MPPED2: variants seen among roughly 807,000 people sequenced by gnomAD.
MPPED2 encodes the protein metallophosphoesterase MPPED2.
Under a neutral mutation model 33.0 loss-of-function variants are expected in MPPED2, and 5 were observed. That is an observed-to-expected ratio of 0.15 (90% CI 0.08 to 0.32). The LOEUF (loss-of-function observed/expected upper bound fraction) is 0.32. Ranked by LOEUF, MPPED2 falls within the 10% of genes least tolerant of loss-of-function variation. MPPED2 has a pLI of 1.00. For synonymous variants in MPPED2, 136 were observed against 141.9 expected, an observed-to-expected ratio of 0.96 and a Z score of 0.29; for missense variants, 275 against 372.1, an observed-to-expected ratio of 0.74 and a Z score of 2.15.
Position 30,410,747 on chromosome 11 carries a change from G to C in MPPED2, c.*721C>G. 1 of 984,378 alleles carries C rather than the reference G, an allele frequency of 1.0e-6. No homozygotes were observed. Among genetic ancestry groups the C allele is most frequent in the Non-Finnish European group, 1.2e-6 (1 of 828,626 alleles). The allele number at this position is 984,378 out of a possible 1,614,324, so 61.0% of individuals were successfully genotyped here. A position where few individuals can be genotyped will look rare whatever the true frequency, so the allele number is the denominator to read the frequency against. On this transcript the variant is annotated 3_prime_UTR_variant, in exon 7 of 7. Transcript: ENST00000358117. Reference sequence around the variant, plus strand: ...ACCCATATTGAAAAGGAGTCTGCATGTTCATTTTTTTAACCGTATGAAATA... The same window carrying C: ...ACCCATATTGAAAAGGAGTCTGCATCTTCATTTTTTTAACCGTATGAAATA...
chr11:30,456,646 CTG>C (rs1950291855), intron 4 of MPPED2, among the ~76,000 whole-genome samples: 2 of 152,102 alleles, frequency 1.3e-5, no homozygotes, highest in African/African-American at 4.8e-5. Flanking sequence ...TATTACAATC[CTG>C]ATATTCTGTA....
chr11:30,520,199 C>A (rs1471694540), intron 3 of MPPED2, among the ~76,000 whole-genome samples: 4 of 151,994 alleles, frequency 2.6e-5, no homozygotes, highest in African/African-American at 9.7e-5. Context: ...AAAATTTGAA[C>A]AGCTAAAAAA....
intron 3 of MPPED2, among the ~76,000 whole-genome samples, chr11:30,502,754 C>T (rs993602361): frequency 6.6e-6 from 1 of 152,126 alleles, no homozygotes; most frequent in Non-Finnish European, 1.5e-5. Context: ...AATGAGGGGA[C>T]TGGGGGCACA....
At chr11:30,445,659 A>G (rs190309251) in intron 4 of MPPED2, among the ~76,000 whole-genome samples, 2 of 152,268 alleles carry the variant, frequency 1.3e-5, no homozygotes, top group Admixed American at 1.3e-4. Flanking sequence ...TTCCATCTTT[A>G]TGAATTTGAC....
chr11:30,505,268 CT>C (rs911542996), intron 3 of MPPED2, among the ~76,000 whole-genome samples: 1 of 152,158 alleles, frequency 6.6e-6, no homozygotes, highest in African/African-American at 2.4e-5. Flanking sequence ...TCCAACACAA[CT>C]TTTTGTGACC....
chr11:30,418,580 G>A (rs989316979), intron 4 of MPPED2, among the ~76,000 whole-genome samples: 1 of 152,170 alleles, frequency 6.6e-6, no homozygotes, highest in African/African-American at 2.4e-5. Flanking sequence ...CTTTAAAACT[G>A]TTCTATTTTG....
At chr11:30,419,689 C>T (rs1025253478) in intron 4 of MPPED2, among the ~76,000 whole-genome samples, 24 of 152,142 alleles carry the variant, frequency 1.6e-4, no homozygotes, top group African/African-American at 5.3e-4. Flanking sequence ...ATGAGAGTCA[C>T]CCTCAGGATT....
intron 2 of MPPED2, among the ~76,000 whole-genome samples, chr11:30,551,462 G>A (rs896766051): frequency 6.6e-6 from 1 of 152,066 alleles, no homozygotes; most frequent in East Asian, 1.9e-4. Context: ...TCAATGCTAA[G>A]TTGAAAAATT....
rs146056910 is a variant in MPPED2 at position 30,443,568 on chromosome 11, T to C, written c.537-25935A>G. Among the ~76,000 whole-genome samples, 411 of 152,220 alleles carry C rather than the reference T, an allele frequency of 2.7e-3. 2 individuals carry two copies. The highest frequency in any genetic ancestry group is 4.5e-3 in the Non-Finnish European group (303 of 68,008). On this transcript the variant is annotated intron_variant, in intron 4 of 6. Transcript: ENST00000358117. ...GAGTGAAAGCAGACAAGTGATAGAC[T>C]AAATAATCCAAAAGATGTCATGGTA...
chr11:30,393,557 T>G (rs895952927), intron 6 of MPPED2, among the ~76,000 whole-genome samples: 13 of 152,140 alleles, frequency 8.5e-5, no homozygotes, highest in Non-Finnish European at 1.3e-4. Context: ...ACATAGTATA[T>G]AGTTACTATT....
At chr11:30,575,967 A>G (rs1462194368) in intron 2 of MPPED2, among the ~76,000 whole-genome samples, 1 of 152,190 alleles carries the variant, frequency 6.6e-6, no homozygotes, top group Non-Finnish European at 1.5e-5. Context: ...CAATGACTTT[A>G]TTTATTCATT....
chr11:30,455,087 A>G (rs1433082495), intron 4 of MPPED2, among the ~76,000 whole-genome samples: 1 of 152,218 alleles, frequency 6.6e-6, no homozygotes, highest in African/African-American at 2.4e-5. Context: ...TTTACACTGG[A>G]GGCTAAGGTC....
chr11:30,536,670 A>C (rs1312450552), intron 2 of MPPED2, among the ~76,000 whole-genome samples: 1 of 152,184 alleles, frequency 6.6e-6, no homozygotes, highest in Non-Finnish European at 1.5e-5. Flanking sequence ...GAGAGATAGC[A>C]CTTATATTTA....
At position 30,583,864 on chromosome 11, in the gene MPPED2, C is replaced by T. The variant is rs530207526; in HGVS notation, c.-122+2178G>A. ...ATCACTTGCCCCAAGATCTCCAGAC[C>T]GAGCCTGGCGGGACTTTGGAACTTG... On this transcript the variant is annotated intron_variant, in intron 1 of 6. Transcript: ENST00000358117. Among the ~76,000 whole-genome samples, 5 of 152,270 alleles carry T rather than the reference C, an allele frequency of 3.3e-5. No individual in the cohort carries two copies. In the South Asian group the frequency reaches 1.0e-3, roughly 32 times the overall value.
At chr11:30,543,102 A>T (rs756741445) in intron 2 of MPPED2, among the ~76,000 whole-genome samples, 1 of 152,228 alleles carries the variant, frequency 6.6e-6, no homozygotes, top group African/African-American at 2.4e-5. Flanking sequence ...TACCAAAAAA[A>T]TAAAAATAAG....
chr11:30,574,104 C>CTACAG (rs2134847470), intron 2 of MPPED2, among the ~76,000 whole-genome samples: 1 of 152,202 alleles, frequency 6.6e-6, no homozygotes, highest in Non-Finnish European at 1.5e-5. Context: ...TTTATAAAGC[C>CTACAG]TACAGTAGTG....
At chr11:30,395,283 A>G (rs1439446523) in intron 6 of MPPED2, among the ~76,000 whole-genome samples, 2 of 152,188 alleles carry the variant, frequency 1.3e-5, no homozygotes, top group African/African-American at 2.4e-5. Context: ...AGTTTTTAAA[A>G]TAGTATATTC....
At chr11:30,500,675 G>T (rs187387151) in intron 3 of MPPED2, among the ~76,000 whole-genome samples, 1 of 152,148 alleles carries the variant, frequency 6.6e-6, no homozygotes, top group Non-Finnish European at 1.5e-5. Flanking sequence ...ATCAGTGCAC[G>T]TTCACTATTA....
At chr11:30,558,069 C>T (rs1052454631) in intron 2 of MPPED2, among the ~76,000 whole-genome samples, 1 of 152,150 alleles carries the variant, frequency 6.6e-6, no homozygotes, top group African/African-American at 2.4e-5. Context: ...AGTGGTTTCA[C>T]AATTGTTTTC....
Sources: gnomAD v4.1 joint callset for allele counts (sites outside exome capture counted in the v4.1 genomes callset) on GRCh38, gnomAD v4.1.1 for gene constraint, MANE v1.5 for transcripts, NCBI Gene and HGNC (gene_info 2026-07-23, HGNC 2026-07-21) for gene names.